KCNMA1: variants seen among roughly 807,000 people sequenced by gnomAD.
The protein encoded by KCNMA1 is potassium calcium-activated channel subfamily M alpha 1.
Under a neutral mutation model 140.0 loss-of-function variants are expected in KCNMA1, and 29 were observed. That is an observed-to-expected ratio of 0.21 (90% CI 0.15 to 0.28). KCNMA1 has a LOEUF of 0.28. Ranked by LOEUF, KCNMA1 falls within the 10% of genes least tolerant of loss-of-function variation. The probability of loss-of-function intolerance (pLI) is 1.00; values close to 1 mark genes in which losing one functional copy is unlikely to be tolerated. For synonymous variants in KCNMA1, 612 were observed against 611.9 expected (o/e 1.00, Z 0.00); for missense variants, 880 against 1,602.2 (o/e 0.55, Z 7.70).
chr10:76,914,931 C>A lies in KCNMA1; in HGVS notation c.3016+5G>T, dbSNP rs2052151146. The A allele has an allele frequency of 6.3e-7, 1 of 1,591,938 alleles. No homozygotes were observed. The highest frequency in any genetic ancestry group is 8.6e-7 in the Non-Finnish European group (1 of 1,160,106). ...ACTCCCCCCAAAGCTGACATTGACC[C>A]CTACCTAGTTCAGTGATGATGGGGA... On this transcript the variant is annotated splice_donor_5th_base_variant and intron_variant, in intron 24 of 27. Coordinates refer to ENST00000286628, the MANE Select transcript of KCNMA1 (RefSeq NM_001161352.2).
intron 2 of KCNMA1, among the ~76,000 whole-genome samples, chr10:77,368,425 T>C (rs1013157781): frequency 6.6e-6 from 1 of 152,246 alleles, no homozygotes; most frequent in Non-Finnish European, 1.5e-5. Context: ...GAGTTCTTTA[T>C]ATATCCTGGC....
chr10:77,387,326 C>T (rs549064511), intron 2 of KCNMA1, among the ~76,000 whole-genome samples: 2 of 152,274 alleles, frequency 1.3e-5, no homozygotes, highest in Non-Finnish European at 2.9e-5. Context: ...ACCTATGCAG[C>T]TGGGGTATCA....
At chr10:77,027,939 G>C (rs200677466) in intron 15 of KCNMA1, 48 bp from the exon 16 acceptor site, 18 of 1,486,212 alleles carry the variant, frequency 1.2e-5, no homozygotes, top group Non-Finnish European at 1.6e-5. Flanking sequence ...TGAATGACCA[G>C]AGCCACATAA....
chr10:77,549,278 G>T (rs1036722765), intron 1 of KCNMA1, among the ~76,000 whole-genome samples: 3 of 152,192 alleles, frequency 2.0e-5, no homozygotes, highest in African/African-American at 7.2e-5. Context: ...TGGAGATGTT[G>T]AATTTACTAT....
chr10:77,636,957 C>T, intron 1 of KCNMA1: 1 of 1,416,050 alleles, frequency 7.1e-7, no homozygotes, highest in Non-Finnish European at 9.1e-7. Flanking sequence ...ACCACGGCAC[C>T]CGAGCCTGTG....
intron 2 of KCNMA1, among the ~76,000 whole-genome samples, chr10:77,328,444 A>T (rs2085047218): frequency 6.6e-6 from 1 of 152,202 alleles, no homozygotes; most frequent in African/African-American, 2.4e-5. Flanking sequence ...ATCCACTCTG[A>T]TGTCAGCAGG....
chr10:76,952,345 C>G (rs571161712), intron 21 of KCNMA1, among the ~76,000 whole-genome samples: 1 of 152,080 alleles, frequency 6.6e-6, no homozygotes, highest in Non-Finnish European at 1.5e-5. Flanking sequence ...ATGGTGAAAC[C>G]CTGTCTCTAC....
At chr10:77,183,374 C>T (rs1273708962) in intron 5 of KCNMA1, 47 bp downstream of exon 5, 1 of 1,298,856 alleles carries the variant, frequency 7.7e-7, no homozygotes, top group Admixed American at 1.7e-5. Flanking sequence ...TGTCCTTCAG[C>T]CATGACTCAG....
At chr10:77,222,358 A>G (rs1010708472) in intron 3 of KCNMA1, among the ~76,000 whole-genome samples, 3 of 152,146 alleles carry the variant, frequency 2.0e-5, no homozygotes, top group Non-Finnish European at 4.4e-5. Context: ...TAAGCCTCTA[A>G]CCCTCTATTC....
At chr10:77,406,886 G>A (rs1383429790) in intron 1 of KCNMA1, among the ~76,000 whole-genome samples, 4 of 152,096 alleles carry the variant, frequency 2.6e-5, no homozygotes, top group Non-Finnish European at 4.4e-5. Context: ...CAGTCCTGGG[G>A]GCCCAAGTTC....
intron 1 of KCNMA1, among the ~76,000 whole-genome samples, chr10:77,417,795 C>T (rs1476678681): frequency 4.6e-5 from 7 of 152,082 alleles, no homozygotes; most frequent in African/African-American, 1.7e-4. Context: ...CCAATTAGGT[C>T]GTCAGACAGC....
intron 1 of KCNMA1, among the ~76,000 whole-genome samples, chr10:77,469,274 G>C (rs1363389323): frequency 6.6e-6 from 1 of 152,142 alleles, no homozygotes; most frequent in Non-Finnish European, 1.5e-5. Flanking sequence ...CCACATTACA[G>C]AAATTAGAAG....
chr10:77,533,346 G>A (rs886515571), intron 1 of KCNMA1, among the ~76,000 whole-genome samples: 5 of 152,176 alleles, frequency 3.3e-5, no homozygotes, highest in Non-Finnish European at 7.3e-5. Context: ...AAGGGCACCC[G>A]TGAAGCTGGA....
chr10:77,611,636 A>AT (rs34020156), intron 1 of KCNMA1, among the ~76,000 whole-genome samples: 4 of 151,280 alleles, frequency 2.6e-5, no homozygotes, highest in South Asian at 2.1e-4. Flanking sequence ...ACTTATTATC[A>AT]TTTTTTTTTC....
intron 29 of KCNMA1, among the ~76,000 whole-genome samples, chr10:76,878,932 G>GAAAAGA (rs1455971907): frequency 6.6e-6 from 1 of 152,062 alleles, no homozygotes; most frequent in African/African-American, 2.4e-5. Flanking sequence ...CTTAGGGAAA[G>GAAAAGA]AAAAGAAAAA....
At chr10:77,345,565 G>A (rs1240402441) in intron 2 of KCNMA1, among the ~76,000 whole-genome samples, 1 of 152,176 alleles carries the variant, frequency 6.6e-6, no homozygotes. Flanking sequence ...CAACCCAAGG[G>A]GGACAAATGC....
intron 2 of KCNMA1, among the ~76,000 whole-genome samples, chr10:77,267,133 TCA>T (rs1216467735): frequency 6.6e-6 from 1 of 152,176 alleles, no homozygotes; most frequent in African/African-American, 2.4e-5. Context: ...AACATTGCTC[TCA>T]CAGAACCCAG....
chr10:77,390,528 C>T (rs1051438922), intron 2 of KCNMA1, among the ~76,000 whole-genome samples: 5 of 152,180 alleles, frequency 3.3e-5, no homozygotes, highest in African/African-American at 4.8e-5. Flanking sequence ...CATGCAGGTG[C>T]CTCAGGGATT....
chr10:77,028,062 C>A (rs1035092181), intron 15 of KCNMA1, among the ~76,000 whole-genome samples, 171 bp from the exon 16 acceptor site: 39 of 152,166 alleles, frequency 2.6e-4, no homozygotes, highest in African/African-American at 8.9e-4. Flanking sequence ...CCCATCTTCC[C>A]TATTAAACCT....
Sources: allele counts gnomAD v4.1 joint callset (sites outside exome capture counted in the v4.1 genomes callset), GRCh38; gene constraint gnomAD v4.1.1; transcripts MANE v1.5; gene names NCBI Gene and HGNC (gene_info 2026-07-23, HGNC 2026-07-21).